ALDH3A2: variants seen among roughly 807,000 people sequenced by gnomAD.
The protein encoded by ALDH3A2 is aldehyde dehydrogenase family 3 member A2.
ALDH3A2 carries 36 observed loss-of-function variants against 51.3 expected under a neutral mutation model. The observed-to-expected ratio is 0.70, with a 90% confidence interval of 0.54 to 0.93. The LOEUF (loss-of-function observed/expected upper bound fraction) is 0.93. ALDH3A2 is among the 40% of genes least tolerant of loss of function. ALDH3A2 has a pLI of 0.00. For synonymous variants in ALDH3A2, 199 were observed against 219.8 expected (o/e 0.91, Z 0.84); for missense variants, 552 against 603.1 (o/e 0.92, Z 0.89).
At chr17:19,667,685 A>G (rs1003824453) in intron 8 of ALDH3A2, among the ~76,000 whole-genome samples, 1 of 152,066 alleles carries the variant, frequency 6.6e-6, no homozygotes, top group South Asian at 2.1e-4. Flanking sequence ...CAGCCTCCCA[A>G]GTAGCTGGAA....
rs151236073 is a variant in ALDH3A2, at chr17:19,668,823, G to A, written c.1208-2898G>A. Among the ~76,000 whole-genome samples the A allele has an allele frequency of 2.0e-3, 262 of 132,030 alleles. 85 individuals are homozygous for A. In the East Asian group the frequency reaches 0.069, roughly 35 times the overall value. The allele number at this position is 132,030 out of a possible 152,430, so 86.6% of individuals were successfully genotyped here. A position where few individuals can be genotyped will look rare whatever the true frequency, so the allele number is the denominator to read the frequency against. ...GTAGAATCACTTGAACCCTGGAGGC[G>A]GAGGTTGCAGTGAGCAGAGAGTGCA... On this transcript the variant is annotated intron_variant, in intron 8 of 9. Transcript: ENST00000176643.
chr17:19,670,649 G>A lies in ALDH3A2; in HGVS notation c.1208-1072G>A, dbSNP rs529531174. Reference sequence around the variant, plus strand: ...GCGATCTCAGCTCACTGCAACCTCCGCCTCCCAGGTTCAAGCAATTCTCCT... The same window carrying A: ...GCGATCTCAGCTCACTGCAACCTCCACCTCCCAGGTTCAAGCAATTCTCCT... On this transcript the variant is annotated intron_variant, in intron 8 of 9. Transcript: ENST00000176643. Among the ~76,000 whole-genome samples the A allele has an allele frequency of 1.3e-4, 20 of 149,150 alleles. No homozygotes were observed. In the South Asian group the frequency reaches 1.7e-3, roughly 13 times the overall value.
At chr17:19,664,869 C>G (rs2085013664) in intron 7 of ALDH3A2, 79 bp from the exon 8 acceptor site, 2 of 977,548 alleles carry the variant, frequency 2.0e-6, no homozygotes, top group Non-Finnish European at 3.3e-6. Flanking sequence ...ACTGAGCACA[C>G]AGCCCTCTGT....
intron 3 of ALDH3A2, 21 bp from the exon 4 acceptor site, chr17:19,656,345 T>G (rs748515024): frequency 1.3e-6 from 2 of 1,595,100 alleles, no homozygotes; most frequent in Non-Finnish European, 1.7e-6. Context: ...GTGCAAGAGT[T>G]TGTGTTTCTC....
At chr17:19,648,596 G>T, upstream of ALDH3A2, 1 of 250,248 alleles carries the variant, frequency 4.0e-6, no homozygotes, top group South Asian at 5.2e-5. Context: ...CTGGCCCGTG[G>T]CCGCGCTCGG....
chr17:19,649,227 C>T (rs2152325678), intron 1 of ALDH3A2, 103 bp downstream of exon 1: 6 of 1,431,578 alleles, frequency 4.2e-6, no homozygotes, highest in East Asian at 2.5e-5. Flanking sequence ...TTTCGGATTA[C>T]TCCAGCACTG....
At chr17:19,665,308 A>G (rs1050887111) in intron 8 of ALDH3A2, among the ~76,000 whole-genome samples, 7 of 151,548 alleles carry the variant, frequency 4.6e-5, no homozygotes, top group African/African-American at 1.7e-4. Flanking sequence ...TGATTTTGTT[A>G]TCCTGCCACA....
In ALDH3A2 at chr17:19,651,766, GCCATC is replaced by G. The variant is rs886039304; in HGVS notation, c.374_378del (p.Ala125GlyfsTer12). 5.0e-6 allele frequency: 8 copies of G among 1,614,114 alleles called. No individual in the cohort carries two copies. Among genetic ancestry groups the G allele is most frequent in the Non-Finnish European group, 6.8e-6 (8 of 1,179,992 alleles). ...TCTCACCATTCAGCCACTGATAGGA[GCCATC>G]GCTGCAGGTCTGGTGCCACCTTATG... On this transcript the variant is annotated frameshift_variant, in exon 2 of 10. Coordinates refer to ENST00000176643, the MANE Select transcript of ALDH3A2 (RefSeq NM_000382.3). LOFTEE classifies it high-confidence loss of function.
intron 8 of ALDH3A2, among the ~76,000 whole-genome samples, chr17:19,670,658 G>A (rs2085100608): frequency 6.6e-6 from 1 of 151,984 alleles, no homozygotes; most frequent in African/African-American, 2.4e-5. Flanking sequence ...CGCCTCCCAG[G>A]TTCAAGCAAT....
chr17:19,675,290 A>G, intron 9 of ALDH3A2: 1 of 459,140 alleles, frequency 2.2e-6, no homozygotes. Flanking sequence ...GACATTAGCT[A>G]GTTGACAGTG....
At chr17:19,663,137 C>T (rs753969506) in intron 6 of ALDH3A2, among the ~76,000 whole-genome samples, 196 bp from the exon 7 acceptor site, 2 of 152,248 alleles carry the variant, frequency 1.3e-5, no homozygotes, top group East Asian at 1.9e-4. Context: ...CACAAGTATC[C>T]GCAGGGTTGT....
chr17:19,653,534 T>C (rs1007153372), intron 3 of ALDH3A2, among the ~76,000 whole-genome samples: 3 of 152,114 alleles, frequency 2.0e-5, no homozygotes, highest in Non-Finnish European at 4.4e-5. Flanking sequence ...CTGCAGACCT[T>C]CGTGGTGAGT....
chr17:19,648,751 A>G lies in ALDH3A2; in HGVS notation c.-221A>G. On this transcript the variant is annotated 5_prime_UTR_variant, in exon 1 of 10. Coordinates refer to ENST00000176643, the MANE Select transcript of ALDH3A2 (RefSeq NM_000382.3). The stretch of plus-strand genomic sequence containing the variant: ...AGGGGTGAGGCTTTGGGTCGAGCTC[A>G]GTCCTCCCCCGGCGCCTCCGACTGG... 6.4e-6 allele frequency: 4 copies of G among 624,848 alleles called. No homozygotes were observed. The highest frequency in any genetic ancestry group is 5.8e-5 in the South Asian group (3 of 51,850). 38.7% of individuals were successfully genotyped at this position (624,848 alleles called of 1,614,324 possible). A position where few individuals can be genotyped will look rare whatever the true frequency, so the allele number is the denominator to read the frequency against.
intron 7 of ALDH3A2, among the ~76,000 whole-genome samples, chr17:19,664,356 C>T (rs1489251713): frequency 6.6e-6 from 1 of 152,190 alleles, no homozygotes; most frequent in Non-Finnish European, 1.5e-5. Flanking sequence ...ATAGTCCAGA[C>T]TTGACGTTTG....
chr17:19,655,919 T>C (rs2084888482), intron 3 of ALDH3A2, among the ~76,000 whole-genome samples: 1 of 152,256 alleles, frequency 6.6e-6, no homozygotes, highest in Admixed American at 6.5e-5. Flanking sequence ...TCTCAGCTAC[T>C]GTGCCGGATA....
At position 19,656,465 on chromosome 17, in the gene ALDH3A2, A is replaced by G. The variant is rs377139218; in HGVS notation, c.571A>G (p.Lys191Glu). Residue 191 changes from lysine (K) to glutamate (E), a missense_variant, in exon 4 of 10, where the codon AAA (lysine) becomes GAA (glutamate). Lys to Glu is a moderately conservative substitution (Grantham distance 56). Transcript: ENST00000176643. ...IFYTGNTAVG[K>E]IVMEAAAKHL... Reference sequence around the variant, plus strand: ...CTATACGGGAAACACTGCGGTTGGCAAAATTGTCATGGAAGCTGCTGCCAA... The same window carrying G: ...CTATACGGGAAACACTGCGGTTGGCGAAATTGTCATGGAAGCTGCTGCCAA... 6.2e-7 allele frequency: 1 copy of G among 1,614,214 alleles called. No homozygotes were observed. The highest frequency in any genetic ancestry group is 1.1e-5 in the South Asian group (1 of 91,084).
At chr17:19,667,063 A>T (rs2085048282) in intron 8 of ALDH3A2, among the ~76,000 whole-genome samples, 1 of 152,138 alleles carries the variant, frequency 6.6e-6, no homozygotes, top group East Asian at 1.9e-4. Flanking sequence ...AAGAATAAAC[A>T]TTTATATTAC....
rs1381237041 is a variant in ALDH3A2 at position 19,656,163 on chromosome 17, G to A, written c.472-203G>A. ...ACTGGAGTCTCCAGATTAGTTCTAT[G>A]TGGGTTCATGCTTCCCAGATGCCAT... On this transcript the variant is annotated intron_variant, in intron 3 of 9. Coordinates refer to ENST00000176643, the MANE Select transcript of ALDH3A2 (RefSeq NM_000382.3). The A allele has an allele frequency of 2.0e-5, 12 of 612,954 alleles. No homozygotes were observed. The Admixed American group carries it at 3.0e-4, about 16-fold the overall frequency. The allele number at this position is 612,954 out of a possible 1,614,324, so 38.0% of individuals were successfully genotyped here. A position where few individuals can be genotyped will look rare whatever the true frequency, so the allele number is the denominator to read the frequency against.
intron 8 of ALDH3A2, among the ~76,000 whole-genome samples, chr17:19,666,362 C>T (rs761739425): frequency 1.4e-4 from 22 of 152,184 alleles, no homozygotes; most frequent in Non-Finnish European, 2.6e-4. Context: ...GTAATCAACT[C>T]GGTAATTGTT....
Sources: gnomAD v4.1 joint callset for allele counts (sites outside exome capture counted in the v4.1 genomes callset) on GRCh38, gnomAD v4.1.1 for gene constraint, MANE v1.5 for transcripts, NCBI Gene and HGNC (gene_info 2026-07-23, HGNC 2026-07-21) for gene names.